ANKRD13C: variants seen among roughly 807,000 people sequenced by gnomAD.
ANKRD13C encodes ankyrin repeat domain 13C.
Under a neutral mutation model 65.5 loss-of-function variants are expected in ANKRD13C, and 16 were observed. That is an observed-to-expected ratio of 0.24 (90% confidence interval 0.17 to 0.37). ANKRD13C has a LOEUF of 0.37. Ranked by LOEUF, ANKRD13C falls within the 10% of genes least tolerant of loss-of-function variation. The pLI, the probability that ANKRD13C is intolerant of heterozygous loss-of-function variation, is 1.00. For synonymous variants in ANKRD13C, 235 were observed against 238.7 expected, an observed-to-expected ratio of 0.98 and a Z score of 0.14; for missense variants, 503 against 655.9, an observed-to-expected ratio of 0.77 and a Z score of 2.55.
intron 9 of ANKRD13C, among the ~76,000 whole-genome samples, chr1:70,279,500 C>CTTTT (rs757385338): frequency 1.3e-3 from 133 of 101,272 alleles, no homozygotes; most frequent in Non-Finnish European, 1.8e-3. Flanking sequence ...TTTTGAGCTA[C>CTTTT]TTTTTTTTTT....
chr1:70,287,159 T>G (rs1425514270), intron 9 of ANKRD13C, among the ~76,000 whole-genome samples: 1 of 152,048 alleles, frequency 6.6e-6, no homozygotes, highest in African/African-American at 2.4e-5. Flanking sequence ...ATAAAATATA[T>G]GTAAGATTTA....
intron 2 of ANKRD13C, 69 bp downstream of exon 2, chr1:70,335,989 G>T: frequency 2.1e-6 from 1 of 472,930 alleles, no homozygotes; most frequent in Non-Finnish European, 3.5e-6. Flanking sequence ...AGACAAAACT[G>T]ATCTTAAAAA....
chr1:70,339,784 G>A (rs780650010), intron 1 of ANKRD13C, among the ~76,000 whole-genome samples: 32 of 149,100 alleles, frequency 2.1e-4, no homozygotes, highest in Non-Finnish European at 3.6e-4. Flanking sequence ...TCTGTTATTT[G>A]TGCCTTCTTT....
chr1:70,331,820 C>CAAAAAAAAAAAAAAAAAAAAAAAAAA (rs10526340), intron 2 of ANKRD13C, among the ~76,000 whole-genome samples: 2 of 70,042 alleles, frequency 2.9e-5, no homozygotes, highest in Non-Finnish European at 2.5e-5. Context: ...AGACTCGACT[C>CAAAAAAAAAAAAAAAAAAAAAAAAAA]AAAAAAAAAA....
In ANKRD13C at chr1:70,300,280, G is replaced by A. The variant is rs377567515; in HGVS notation, c.921+484C>T. Among the ~76,000 whole-genome samples, 7 of 152,190 alleles carry A rather than the reference G, an allele frequency of 4.6e-5. No homozygotes were observed. The East Asian group carries it at 9.7e-4, about 21-fold the overall frequency. ...TGGACCGGTCAAGATGGAGACCAGA[G>A]GATAGAAATATAAAAAATGAAAATA... On this transcript the variant is annotated intron_variant, in intron 7 of 12. Coordinates refer to ENST00000370944, the MANE Select transcript of ANKRD13C (RefSeq NM_030816.5).
intron 1 of ANKRD13C, among the ~76,000 whole-genome samples, chr1:70,351,268 C>T (rs1056936748): frequency 1.6e-4 from 24 of 152,182 alleles, no homozygotes; most frequent in African/African-American, 4.1e-4. Flanking sequence ...GGAATCCTTA[C>T]GGTGAACATA....
chr1:70,334,678 A>G (rs1365272931), intron 2 of ANKRD13C, among the ~76,000 whole-genome samples: 2 of 152,052 alleles, frequency 1.3e-5, no homozygotes, highest in African/African-American at 2.4e-5. Context: ...TAATCCCAGC[A>G]CTTTGTGAGG....
intron 2 of ANKRD13C, among the ~76,000 whole-genome samples, chr1:70,331,264 A>G (rs1681784925): frequency 6.6e-6 from 1 of 152,162 alleles, no homozygotes; most frequent in Non-Finnish European, 1.5e-5. Context: ...AAAGCAAGGT[A>G]TAGAACACTA....
chr1:70,292,444 T>G lies in ANKRD13C; in HGVS notation c.1159A>C (p.Lys387Gln). The G allele has an allele frequency of 6.2e-7, 1 of 1,608,684 alleles. No individual in the cohort carries two copies. Among genetic ancestry groups the G allele is most frequent in the Non-Finnish European group, 8.5e-7 (1 of 1,178,562 alleles). Residue 387 changes from lysine (K) to glutamine (Q), a missense_variant, in exon 9 of 13, where the codon AAG (lysine) becomes CAG (glutamine). Physicochemically the swap from Lys to Gln is moderately conservative, Grantham distance 53 (BLOSUM62 1). This residue lies in a region of ANKRD13C where 300 missense variants were observed against 478.3 expected (regional missense o/e 0.63). Transcript: ENST00000370944. ...HLSEEDILRNKAIMESLSKGG... is the reference protein window; with the variant it reads ...HLSEEDILRNQAIMESLSKGG... Reference sequence around the variant, plus strand: ...TTACTCAAACTCTCCATGATGGCCTTATTTCGAAGAATATCCTCTTCACTG... The same window carrying G: ...TTACTCAAACTCTCCATGATGGCCTGATTTCGAAGAATATCCTCTTCACTG...
chr1:70,343,961 T>A (rs190057073), intron 1 of ANKRD13C, among the ~76,000 whole-genome samples: 1 of 152,204 alleles, frequency 6.6e-6, no homozygotes, highest in Admixed American at 6.5e-5. Context: ...CACCAGTCCA[T>A]GCAACATGGG....
chr1:70,332,696 C>A (rs552627531), intron 2 of ANKRD13C, among the ~76,000 whole-genome samples: 16 of 152,146 alleles, frequency 1.1e-4, no homozygotes, highest in Non-Finnish European at 1.9e-4. Context: ...AAACTCCTGG[C>A]CTTAAGTGAT....
chr1:70,325,862 C>G (rs909029872), intron 2 of ANKRD13C, among the ~76,000 whole-genome samples: 1 of 149,910 alleles, frequency 6.7e-6, no homozygotes, highest in Non-Finnish European at 1.5e-5. Flanking sequence ...CCAGATGACA[C>G]AGCGAGATTC....
intron 3 of ANKRD13C, 24 bp from the exon 4 acceptor site, chr1:70,315,590 A>G (rs1681039501): frequency 6.4e-7 from 1 of 1,568,520 alleles, no homozygotes; most frequent in African/African-American, 1.4e-5. Context: ...TTTAAAAATA[A>G]CTAATTTAAA....
intron 9 of ANKRD13C, among the ~76,000 whole-genome samples, chr1:70,284,668 G>A (rs1342607042): frequency 4.6e-5 from 7 of 152,250 alleles, no homozygotes; most frequent in South Asian, 2.1e-4. Context: ...CTCTATCTTC[G>A]TAACTCAGAC....
intron 5 of ANKRD13C, 51 bp from the exon 6 acceptor site, chr1:70,306,341 AT>A: frequency 8.3e-7 from 1 of 1,204,728 alleles, no homozygotes; most frequent in Non-Finnish European, 1.2e-6. Context: ...ATTTTGAGAT[AT>A]TTACAAACTT....
intron 2 of ANKRD13C, among the ~76,000 whole-genome samples, chr1:70,330,337 C>T (rs1558305535): frequency 6.6e-6 from 1 of 151,972 alleles, no homozygotes; most frequent in Non-Finnish European, 1.5e-5. Context: ...GTGGGTGGAT[C>T]ACCTGAGGTA....
At chr1:70,346,120 C>T (rs1380262880) in intron 1 of ANKRD13C, among the ~76,000 whole-genome samples, 4 of 152,158 alleles carry the variant, frequency 2.6e-5, no homozygotes, top group African/African-American at 7.2e-5. Context: ...GTGTGAGCCA[C>T]TGTGCCTGGC....
At position 70,259,963 on chromosome 1, in the gene ANKRD13C, T is replaced by C. The variant is rs1365659704; in HGVS notation, c.*2754A>G. Among the ~76,000 whole-genome samples the C allele has an allele frequency of 6.6e-6, 1 of 152,180 alleles. No homozygotes were observed. The highest frequency in any genetic ancestry group is 1.9e-4 in the East Asian group (1 of 5,198). On this transcript the variant is annotated 3_prime_UTR_variant, in exon 13 of 13. Transcript: ENST00000370944. ...GCCTGGAAACAGGATCTTTGTCTTC[T>C]GCAGACTTAGGGAAAACTAGGAAGA...
rs35526526 is a variant in ANKRD13C at position 70,309,047 on chromosome 1, C to CT, written c.710-2758dup. ...CTTACTCCCCAATTTTCTTTCTTTCCTTTTTTTTTTTTTTAGACAGAGTGT... is the reference window on the plus strand; with the variant it reads ...CTTACTCCCCAATTTTCTTTCTTTCCTTTTTTTTTTTTTTTAGACAGAGTGT... On this transcript the variant is annotated intron_variant, in intron 5 of 12. Coordinates refer to ENST00000370944, the MANE Select transcript of ANKRD13C (RefSeq NM_030816.5). Among the ~76,000 whole-genome samples, 1,115 of 137,952 alleles carry CT rather than the reference C, an allele frequency of 8.1e-3. 9 individuals are homozygous for CT. Among genetic ancestry groups the CT allele is most frequent in the Middle Eastern group, 0.023 (6 of 264 alleles). 90.5% of individuals were successfully genotyped at this position (137,952 alleles called of 152,430 possible). A position where few individuals can be genotyped will look rare whatever the true frequency, so the allele number is the denominator to read the frequency against.
Sources: gnomAD v4.1 joint callset for allele counts (sites outside exome capture counted in the v4.1 genomes callset) on GRCh38, gnomAD v4.1.1 for gene constraint, gnomAD v4.1.1 regional missense constraint, MANE v1.5 for transcripts, NCBI Gene and HGNC (gene_info 2026-07-23, HGNC 2026-07-21) for gene names.